Variants in H2BC5 observed in about 807,000 individuals in gnomAD.
The protein encoded by H2BC5 is H2B clustered histone 5.
Under a neutral mutation model 5.7 loss-of-function variants are expected in H2BC5, and 9 were observed. That is an observed-to-expected ratio of 1.57 (90% CI 0.95 to 2.74). The LOEUF (loss-of-function observed/expected upper bound fraction) is 2.74. Among genes scored for constraint, H2BC5 ranks in the 30% most tolerant of loss-of-function variants. The pLI is 0.00. For missense variants in H2BC5, 175 were observed against 168.8 expected, an observed-to-expected ratio of 1.04 and a Z score of -0.20; for synonymous variants, 133 against 70.9, an observed-to-expected ratio of 1.88 and a Z score of -4.40.
At chr6:26,163,997 T>C in intron 1 of H2BC5, 1 of 346,376 alleles carries the variant, frequency 2.9e-6, no homozygotes, top group South Asian at 2.6e-5. Flanking sequence ...GAAGTAGAAT[T>C]AAGCTACACC....
In H2BC5 at chr6:26,158,600, G is replaced by A. The variant is rs757192739; in HGVS notation, c.*50G>A. Reference sequence around the variant, plus strand: ...CCTAATCCCAAAGGCTCTTTTAAGAGCCACGCATGTTTTCAATAAATGAGT... The same window carrying A: ...CCTAATCCCAAAGGCTCTTTTAAGAACCACGCATGTTTTCAATAAATGAGT... On this transcript the variant is annotated 3_prime_UTR_variant, in exon 1 of 1. Coordinates refer to ENST00000377777, the MANE Select transcript of H2BC5 (RefSeq NM_021063.4). The A allele has an allele frequency of 6.9e-6, 11 of 1,595,464 alleles. No homozygotes were observed. The highest frequency in any genetic ancestry group is 2.2e-5 in the East Asian group (1 of 44,748).
At chr6:26,160,700 C>G (rs1764337035), downstream of H2BC5, 1 of 151,206 alleles carries the variant, frequency 6.6e-6, no homozygotes, top group Non-Finnish European at 1.5e-5. Flanking sequence ...AACCCCGTCT[C>G]TACTAAAAGT....
chr6:26,158,762 G>A (rs1205830568), downstream of H2BC5: 6 of 777,618 alleles, frequency 7.7e-6, no homozygotes, highest in Admixed American at 1.2e-4. Context: ...TGAGTGCTAT[G>A]GGTACGTATT....
At chr6:26,160,448 TCCCAGCACTTCGGGA>T (rs1241488047), downstream of H2BC5, among the ~76,000 whole-genome samples, 1 of 139,012 alleles carries the variant, frequency 7.2e-6, no homozygotes, top group East Asian at 2.1e-4. Context: ...ATGCCTGTAA[TCCCAGCACTTCGGGA>T]GGCTGAGGCT....
At chr6:26,170,670 A>T (rs955586906) in intron 1 of H2BC5, among the ~76,000 whole-genome samples, 19 of 152,230 alleles carry the variant, frequency 1.2e-4, no homozygotes, top group African/African-American at 4.3e-4. Context: ...TAAAAATCAG[A>T]GTGTTCAAAT....
downstream of H2BC5, among the ~76,000 whole-genome samples, chr6:26,162,352 T>C (rs1475279345): frequency 1.3e-5 from 2 of 152,184 alleles, no homozygotes; most frequent in African/African-American, 2.4e-5. Flanking sequence ...ATTGTTTGCT[T>C]TAATCATCTT....
At chr6:26,159,128 G>A (rs2183947), downstream of H2BC5, among the ~76,000 whole-genome samples, 28,508 of 152,024 alleles carry the variant, frequency 0.19, 3,015 homozygotes, top group Non-Finnish European at 0.23. Context: ...TTAAGCGAGT[G>A]GGGCAGGGAA....
In H2BC5 at chr6:26,158,602, C is replaced by A; in HGVS notation, c.*52C>A. On this transcript the variant is annotated 3_prime_UTR_variant, in exon 1 of 1. Transcript: ENST00000377777. The stretch of plus-strand genomic sequence containing the variant: ...TAATCCCAAAGGCTCTTTTAAGAGC[C>A]ACGCATGTTTTCAATAAATGAGTTG... 6.3e-7 allele frequency: 1 copy of A among 1,594,648 alleles called. No individual in the cohort carries two copies.
intron 1 of H2BC5, among the ~76,000 whole-genome samples, chr6:26,168,312 G>A (rs928211609): frequency 3.3e-5 from 5 of 151,950 alleles, no homozygotes; most frequent in African/African-American, 1.2e-4. Context: ...TACAAAATTA[G>A]CCAGGCATGG....
Position 26,169,643 on chromosome 6 carries a change from T to G in H2BC5, c.*10-1332T>G, listed in dbSNP as rs145842742. On this transcript the variant is annotated intron_variant, in intron 1 of 1. Transcript: ENST00000289316. ...AAAAAAGGTGAGAGAAATTGAGAAG[T>G]ACTCAGAAAAGGAATGGAAGAAGCA... Among the ~76,000 whole-genome samples the G allele has an allele frequency of 2.7e-3, 410 of 151,964 alleles. 2 individuals carry two copies. Among genetic ancestry groups the G allele is most frequent in the East Asian group, 0.012 (63 of 5,170 alleles).
chr6:26,165,303 T>C (rs564385066), intron 1 of H2BC5, among the ~76,000 whole-genome samples: 1 of 152,286 alleles, frequency 6.6e-6, no homozygotes, highest in East Asian at 1.9e-4. Flanking sequence ...CCCTAGAATC[T>C]TTCTCTGGGC....
chr6:26,160,568 TAAC>T (rs1490308998), downstream of H2BC5, among the ~76,000 whole-genome samples: 1 of 143,040 alleles, frequency 7.0e-6, no homozygotes, highest in Non-Finnish European at 1.5e-5. Flanking sequence ...AAGGGAGAAT[TAAC>T]AAGATACAGA....
downstream of H2BC5, among the ~76,000 whole-genome samples, chr6:26,159,886 A>G (rs987753616): frequency 1.3e-5 from 2 of 152,234 alleles, no homozygotes; most frequent in African/African-American, 4.8e-5. Flanking sequence ...AAGTAAACTC[A>G]GAGCCAGGGA....
chr6:26,165,119 A>G lies in H2BC5; in HGVS notation c.*10-5856A>G, dbSNP rs375233731. 1.5e-3 allele frequency among the ~76,000 whole-genome samples: 235 copies of G among 152,330 alleles called. 2 individuals are homozygous for G. Among genetic ancestry groups the G allele is most frequent in the African/African-American group, 5.3e-3 (220 of 41,580 alleles). ...AAAACAAGAAATCAGAAATCCCCCAATGAATCCACAGAAAATGATGTCTAT... is the reference window on the plus strand; with the variant it reads ...AAAACAAGAAATCAGAAATCCCCCAGTGAATCCACAGAAAATGATGTCTAT... On this transcript the variant is annotated intron_variant, in intron 1 of 1. Transcript: ENST00000289316.
downstream of H2BC5, among the ~76,000 whole-genome samples, chr6:26,162,352 T>G (rs1475279345): frequency 1.3e-5 from 2 of 152,184 alleles, no homozygotes; most frequent in South Asian, 4.1e-4. Flanking sequence ...ATTGTTTGCT[T>G]TAATCATCTT....
chr6:26,159,853 A>T (rs1020919764), downstream of H2BC5, among the ~76,000 whole-genome samples: 3 of 152,202 alleles, frequency 2.0e-5, no homozygotes, highest in East Asian at 5.8e-4. Flanking sequence ...TAAATTCTTA[A>T]AAGTAAGAAA....
chr6:26,159,249 T>G (rs1174456971), downstream of H2BC5, among the ~76,000 whole-genome samples: 27 of 136,770 alleles, frequency 2.0e-4, no homozygotes, highest in South Asian at 5.5e-3. Flanking sequence ...ATAGGTTTTT[T>G]TTTTTTTTTT....
chr6:26,169,330 C>T (rs1212807103), intron 1 of H2BC5, among the ~76,000 whole-genome samples: 4 of 152,104 alleles, frequency 2.6e-5, no homozygotes, highest in Non-Finnish European at 5.9e-5. Context: ...TCCTGGAGCC[C>T]TCAGTTAAGA....
downstream of H2BC5, chr6:26,158,749 A>T (rs1764288992): frequency 4.6e-6 from 4 of 870,798 alleles, no homozygotes; most frequent in Admixed American, 8.8e-5. Flanking sequence ...AGGTACTAGA[A>T]ATTGAGTGCT....
Sources: allele counts gnomAD v4.1 joint callset (sites outside exome capture counted in the v4.1 genomes callset), GRCh38; gene constraint gnomAD v4.1.1; transcripts MANE v1.5; gene names NCBI Gene and HGNC (gene_info 2026-07-23, HGNC 2026-07-21).